COL4A5: variants seen among roughly 807,000 people sequenced by gnomAD.
COL4A5 encodes the protein collagen alpha-5(IV) chain.
A neutral mutation model predicts 130.2 loss-of-function variants in COL4A5; 26 were observed. The ratio of observed to expected loss-of-function variants is 0.20; its 90% CI spans 0.15 to 0.28. The LOEUF (loss-of-function observed/expected upper bound fraction) is 0.28. COL4A5 is among the 10% of genes least tolerant of loss of function. The probability of loss-of-function intolerance (pLI) is 1.00; values close to 1 mark genes in which losing one functional copy is unlikely to be tolerated. For synonymous variants in COL4A5, 496 were observed against 439.6 expected (o/e 1.13, Z -1.60); for missense variants, 1,131 against 1,344.3 (o/e 0.84, Z 2.48).
chrX:108,494,410 G>A (rs2065017467), intron 1 of COL4A5, among the ~76,000 whole-genome samples: 1 of 111,680 alleles, frequency 9.0e-6, no homozygotes, highest in African/African-American at 3.2e-5. Flanking sequence ...AGGGGCAGGA[G>A]GTAACAGGAA....
chrX:108,658,736 G>C (rs2067893932), intron 37 of COL4A5, among the ~76,000 whole-genome samples: 2 of 111,436 alleles, frequency 1.8e-5, no homozygotes, highest in African/African-American at 6.5e-5. Context: ...AATTTCTGCA[G>C]AATGTGTACT....
chrX:108,635,435 A>G (rs771118841), intron 36 of COL4A5, among the ~76,000 whole-genome samples: 4 of 112,022 alleles, frequency 3.6e-5, no homozygotes, highest in African/African-American at 9.7e-5. Flanking sequence ...CTATGGAACT[A>G]TATGAATCTG....
rs372505008 is a variant in COL4A5 at position 108,614,915 on chromosome X, T to C, written c.2400T>C (p.Asp800=). 3.4e-4 allele frequency: 408 copies of C among 1,193,271 alleles called. No homozygotes were observed. The highest frequency in any genetic ancestry group is 4.6e-4 in the Non-Finnish European group (402 of 880,062). The part of the protein sequence containing the change: ...GLDGLPGPKG[D]VGPNGQPGPM... ...AACTGTATTTATTTCTTAAAGGTGA[T>C]GTTGGACCAAATGGACAACCTGGAC... The change falls in exon 30 of 53, where the codon GAT becomes GAC. Residue 800 remains aspartate (D), a synonymous_variant. Coordinates refer to ENST00000328300, the MANE Select transcript of COL4A5 (RefSeq NM_033380.3).
chrX:108,487,316 G>T (rs770133640), intron 1 of COL4A5, among the ~76,000 whole-genome samples: 1 of 108,358 alleles, frequency 9.2e-6, no homozygotes, highest in African/African-American at 3.4e-5. Context: ...CTTGAACCCG[G>T]GAGATGGAGG....
chrX:108,631,073 T>G (rs2067249129), intron 36 of COL4A5, among the ~76,000 whole-genome samples: 1 of 111,892 alleles, frequency 8.9e-6, no homozygotes, highest in Admixed American at 9.5e-5. Context: ...TAGTAGAGTT[T>G]GAAGTCAGGT....
At chrX:108,651,837 T>C (rs1331013242) in intron 36 of COL4A5, among the ~76,000 whole-genome samples, 2 of 112,213 alleles carry the variant, frequency 1.8e-5, no homozygotes, top group Admixed American at 1.9e-4. Context: ...AGCCATTATT[T>C]ATCAGTTTGT....
At chrX:108,475,780 G>A (rs2064826752) in intron 1 of COL4A5, among the ~76,000 whole-genome samples, 2 of 111,434 alleles carry the variant, frequency 1.8e-5, no homozygotes, top group South Asian at 3.8e-4. Flanking sequence ...TGATGGGAAC[G>A]TATATGAAAC....
At chrX:108,447,794 A>G (rs1042258377) in intron 1 of COL4A5, among the ~76,000 whole-genome samples, 7 of 111,694 alleles carry the variant, frequency 6.3e-5, no homozygotes, top group African/African-American at 2.3e-4. Context: ...TCCCCTTGTG[A>G]TGATAGCAGC....
intron 36 of COL4A5, among the ~76,000 whole-genome samples, chrX:108,649,965 C>T (rs2067687636): frequency 1.8e-5 from 2 of 110,993 alleles, no homozygotes; most frequent in African/African-American, 6.6e-5. Context: ...GCAGAGTAAA[C>T]AGACAATCCA....
intron 1 of COL4A5, among the ~76,000 whole-genome samples, chrX:108,480,972 T>A (rs1264141601): frequency 8.9e-6 from 1 of 111,968 alleles, no homozygotes; most frequent in Non-Finnish European, 1.9e-5. Flanking sequence ...TTTTCCACCA[T>A]AGTAGCCCTC....
At chrX:108,681,696 A>T in intron 46 of COL4A5, 64 bp from the exon 47 acceptor site, 2 of 1,204,644 alleles carry the variant, frequency 1.7e-6, no homozygotes, top group Non-Finnish European at 2.2e-6. Flanking sequence ...AACTTAGGTC[A>T]CTTTGGCTTC....
chrX:108,580,818 T>TCTTA lies in COL4A5; in HGVS notation c.891+83_891+84insACTT, dbSNP rs3215506. The TCTTA allele has an allele frequency of 0.027, 27,087 of 1,019,163 alleles. 2,533 individuals are homozygous for TCTTA. The African/African-American group carries it at 0.33, about 13-fold the overall frequency. 84.0% of individuals were successfully genotyped at this position (1,019,163 alleles called of 1,213,427 possible). On this transcript the variant is annotated intron_variant, in intron 15 of 52. Coordinates refer to ENST00000328300, the MANE Select transcript of COL4A5 (RefSeq NM_033380.3). Reference sequence around the variant, plus strand: ...TGTGATTTTATTCTTTCTTCCTACATCTTCCATTGTTTCAAAATATCACTA... The same window carrying TCTTA: ...TGTGATTTTATTCTTTCTTCCTACATCTTACTTCCATTGTTTCAAAATATCACTA...
At chrX:108,579,013 T>C (rs1350023770) in intron 13 of COL4A5, among the ~76,000 whole-genome samples, 1 of 111,300 alleles carries the variant, frequency 9.0e-6, no homozygotes, top group Admixed American at 9.7e-5. Flanking sequence ...TTTATCAAGA[T>C]ACAGTCTACA....
chrX:108,541,950 C>T (rs1177057814), intron 2 of COL4A5, among the ~76,000 whole-genome samples: 1 of 111,281 alleles, frequency 9.0e-6, no homozygotes, highest in Non-Finnish European at 1.9e-5. Flanking sequence ...GATCTACAGT[C>T]AATAAAAAGA....
At chrX:108,512,868 G>A (rs770211259) in intron 1 of COL4A5, among the ~76,000 whole-genome samples, 2 of 111,398 alleles carry the variant, frequency 1.8e-5, no homozygotes, top group Non-Finnish European at 3.8e-5. Context: ...AAATTTATTA[G>A]GCGAGAATTT....
At chrX:108,564,039 T>C (rs1323348298) in intron 4 of COL4A5, 113 bp downstream of exon 4, 1 of 665,473 alleles carries the variant, frequency 1.5e-6, no homozygotes. Context: ...AGAAGATAAA[T>C]ACAGTCTTCA....
At chrX:108,526,753 T>A in intron 1 of COL4A5, among the ~76,000 whole-genome samples, 1 of 98,717 alleles carries the variant, frequency 1.0e-5, no homozygotes, top group Non-Finnish European at 2.0e-5. Flanking sequence ...TCTTCTTCTT[T>A]TCTTTTCTTT....
At chrX:108,559,213 C>CACCTAGTCCCACATT in intron 3 of COL4A5, 60 bp downstream of exon 3, 1 of 867,557 alleles carries the variant, frequency 1.2e-6, no homozygotes, top group Non-Finnish European at 1.7e-6. Flanking sequence ...AAATGTGGGA[C>CACCTAGTCCCACATT]TAGGTGTCAC....
intron 36 of COL4A5, among the ~76,000 whole-genome samples, chrX:108,650,159 CAT>C (rs1242870375): frequency 1.8e-5 from 2 of 111,230 alleles, no homozygotes; most frequent in African/African-American, 6.5e-5. Flanking sequence ...GGCCAAAAAA[CAT>C]ATGAAAAAAA....
Sources: gnomAD v4.1 joint callset for allele counts (sites outside exome capture counted in the v4.1 genomes callset) on GRCh38, gnomAD v4.1.1 for gene constraint, MANE v1.5 for transcripts, NCBI Gene and HGNC (gene_info 2026-07-23, HGNC 2026-07-21) for gene names.